Variants in SEMA6D observed in about 807,000 individuals in gnomAD.
SEMA6D encodes the protein semaphorin-6D.
A neutral mutation model predicts 106.6 loss-of-function variants in SEMA6D; 35 were observed. The ratio of observed to expected loss-of-function variants is 0.33; its 90% CI spans 0.25 to 0.44. SEMA6D has a LOEUF of 0.44. Ranked by LOEUF, SEMA6D falls within the 20% of genes least tolerant of loss-of-function variation. The pLI is 1.00. For synonymous variants in SEMA6D, 499 were observed against 487.7 expected, an observed-to-expected ratio of 1.02 and a Z score of -0.31; for missense variants, 1,185 against 1,345.9, an observed-to-expected ratio of 0.88 and a Z score of 1.87.
intron 1 of SEMA6D, among the ~76,000 whole-genome samples, chr15:47,354,349 C>G: frequency 7.0e-6 from 1 of 143,604 alleles, no homozygotes; most frequent in Non-Finnish European, 1.5e-5. Context: ...AATGAAAGAG[C>G]TTATATATGG....
At chr15:47,287,374 G>T (rs2035413004) in intron 1 of SEMA6D, among the ~76,000 whole-genome samples, 2 of 152,156 alleles carry the variant, frequency 1.3e-5, no homozygotes, top group East Asian at 1.9e-4. Flanking sequence ...TGAAGGAAAA[G>T]AATCCTTAAA....
intron 2 of SEMA6D, 121 bp from the exon 3 acceptor site, chr15:47,760,183 C>A (rs2081984348): frequency 1.4e-6 from 1 of 700,168 alleles, no homozygotes; most frequent in South Asian, 1.9e-5. Context: ...ATATTCAAGA[C>A]CTTAAGAGAG....
At chr15:47,190,869 G>T (rs1379557855) in intron 1 of SEMA6D, among the ~76,000 whole-genome samples, 3 of 152,104 alleles carry the variant, frequency 2.0e-5, no homozygotes, top group African/African-American at 7.2e-5. Context: ...CCATAGCTGG[G>T]TTTAAACTTG....
chr15:47,729,024 A>G (rs2079950068), intron 1 of SEMA6D, among the ~76,000 whole-genome samples: 1 of 152,200 alleles, frequency 6.6e-6, no homozygotes, highest in Non-Finnish European at 1.5e-5. Flanking sequence ...GACATCTTTG[A>G]GGGGTGTGGA....
At chr15:47,717,900 A>C (rs890997851) in intron 1 of SEMA6D, among the ~76,000 whole-genome samples, 1 of 135,526 alleles carries the variant, frequency 7.4e-6, no homozygotes, top group Non-Finnish European at 1.6e-5. Flanking sequence ...CAGTTGATTT[A>C]TTTTCCAAGC....
At chr15:47,597,160 G>T (rs1321943633) in intron 3 of SEMA6D, among the ~76,000 whole-genome samples, 1 of 152,018 alleles carries the variant, frequency 6.6e-6, no homozygotes, top group Non-Finnish European at 1.5e-5. Context: ...TTAGGGAAAT[G>T]ATGAGATATT....
At chr15:47,765,792 C>T (rs1353326555) in intron 13 of SEMA6D, 77 bp from the exon 14 acceptor site, 1 of 1,322,730 alleles carries the variant, frequency 7.6e-7, no homozygotes, top group Non-Finnish European at 1.0e-6. Flanking sequence ...TATGATTTCC[C>T]AGGTCTCAGT....
At chr15:47,529,172 A>G (rs541950911) in intron 3 of SEMA6D, among the ~76,000 whole-genome samples, 11 of 152,294 alleles carry the variant, frequency 7.2e-5, no homozygotes, top group African/African-American at 1.9e-4. Flanking sequence ...TATGTTTACT[A>G]TTCATTAAGT....
intron 4 of SEMA6D, among the ~76,000 whole-genome samples, chr15:47,655,620 G>C (rs879869650): frequency 6.6e-6 from 1 of 152,132 alleles, no homozygotes; most frequent in Non-Finnish European, 1.5e-5. Flanking sequence ...TTAGTATTTA[G>C]AAAACATGTG....
chr15:47,557,107 C>A (rs1024792880), intron 3 of SEMA6D, among the ~76,000 whole-genome samples: 1 of 152,176 alleles, frequency 6.6e-6, no homozygotes, highest in Middle Eastern at 3.4e-3. Context: ...CTTATAGTAC[C>A]CTCGGAGACT....
At position 47,770,982 on chromosome 15, in the gene SEMA6D, C is replaced by G; in HGVS notation, c.2419C>G (p.Gln807Glu). 1 of 1,614,124 alleles carries G rather than the reference C, an allele frequency of 6.2e-7. No homozygotes were observed. Among genetic ancestry groups the G allele is most frequent in the Non-Finnish European group, 8.5e-7 (1 of 1,179,994 alleles). The stretch of plus-strand genomic sequence containing the variant: ...TGGAGCTTCAAGGAAAGAAACCCCT[C>G]AGTTTTTTCCGTCTAGTCCGCCACC... ...GHGASRKETP[Q>E]FFPSSPPPHS... is the part of the protein sequence containing the mutation. The change falls in exon 19 of 19, where the codon CAG becomes GAG. Residue 807 changes from glutamine (Q) to glutamate (E), a missense_variant. Physicochemically the swap from Gln to Glu is conservative, Grantham distance 29 (BLOSUM62 2). This residue lies in a region of SEMA6D where 750 missense variants were observed against 783.5 expected (regional missense o/e 0.96). Transcript: ENST00000536845.
intron 1 of SEMA6D, among the ~76,000 whole-genome samples, chr15:47,303,870 G>A (rs561058531): frequency 6.6e-6 from 1 of 152,102 alleles, no homozygotes; most frequent in Non-Finnish European, 1.5e-5. Flanking sequence ...GCTTATGCCT[G>A]AGAGCTCAGA....
intron 1 of SEMA6D, among the ~76,000 whole-genome samples, chr15:47,255,331 C>G (rs1244691177): frequency 6.6e-6 from 1 of 151,638 alleles, no homozygotes; most frequent in Non-Finnish European, 1.5e-5. Context: ...AGTCTTCTCT[C>G]TTTTTTTCTT....
chr15:47,685,616 G>T (rs2078451303), intron 4 of SEMA6D, among the ~76,000 whole-genome samples: 1 of 152,164 alleles, frequency 6.6e-6, no homozygotes, highest in Non-Finnish European at 1.5e-5. Flanking sequence ...AGACACCACA[G>T]AGCAAGCCAC....
intron 3 of SEMA6D, among the ~76,000 whole-genome samples, chr15:47,549,514 A>T (rs2045619952): frequency 1.3e-5 from 2 of 152,160 alleles, no homozygotes; most frequent in South Asian, 4.1e-4. Context: ...GCTATTCCAT[A>T]TCTTGGCGGT....
chr15:47,540,915 C>T (rs910618960), intron 3 of SEMA6D, among the ~76,000 whole-genome samples: 2 of 151,952 alleles, frequency 1.3e-5, no homozygotes, highest in Non-Finnish European at 2.9e-5. Context: ...TTTGGAGTGT[C>T]CCAAGAGCAA....
At chr15:47,426,504 G>C (rs953067021) in intron 2 of SEMA6D, among the ~76,000 whole-genome samples, 2 of 151,988 alleles carry the variant, frequency 1.3e-5, no homozygotes, top group African/African-American at 4.8e-5. Context: ...GTGAGGATGC[G>C]GTCTTTATAT....
rs183147328 is a variant in SEMA6D, at chr15:47,419,541, T to C, written c.-159+7069T>C. The stretch of plus-strand genomic sequence containing the variant: ...CATGAAAGAGAAAGCTGGAGTTTTA[T>C]TGAGGAAGAAGGACAAAAGGCCTGG... On this transcript the variant is annotated intron_variant, in intron 2 of 19. Coordinates refer to the SEMA6D transcript ENST00000558014. Among the ~76,000 whole-genome samples the C allele has an allele frequency of 2.0e-3, 304 of 152,046 alleles. 3 individuals are homozygous for C. The highest frequency in any genetic ancestry group is 2.2e-3 in the Non-Finnish European group (152 of 67,940).
At chr15:47,736,139 GA>G (rs1344949571) in intron 1 of SEMA6D, among the ~76,000 whole-genome samples, 3 of 152,180 alleles carry the variant, frequency 2.0e-5, no homozygotes, top group African/African-American at 7.2e-5. Flanking sequence ...ATTCTGACTT[GA>G]GTCTGTTGGT....
Sources: gnomAD v4.1 joint callset for allele counts (sites outside exome capture counted in the v4.1 genomes callset) on GRCh38, gnomAD v4.1.1 for gene constraint, gnomAD v4.1.1 regional missense constraint, MANE v1.5 for transcripts, NCBI Gene and HGNC (gene_info 2026-07-23, HGNC 2026-07-21) for gene names.